The following KCNN2 variants were observed in gnomAD, a reference collection of about 807,000 sequenced individuals.
The protein encoded by KCNN2 is small conductance calcium-activated potassium channel protein 2.
Under a neutral mutation model 55.5 loss-of-function variants are expected in KCNN2, and 24 were observed. The observed-to-expected ratio is 0.43, with a 90% CI of 0.31 to 0.61. KCNN2 has a LOEUF of 0.61. KCNN2 is among the 20% of genes least tolerant of loss of function. The pLI, the probability that KCNN2 is intolerant of heterozygous loss-of-function variation, is 0.08. For synonymous variants in KCNN2, 431 were observed against 336.1 expected (o/e 1.28, Z -3.09); for missense variants, 754 against 853.6 (o/e 0.88, Z 1.45).
chr5:114,238,798 A>G (rs546931627), intron 2 of KCNN2, among the ~76,000 whole-genome samples: 19 of 152,254 alleles, frequency 1.2e-4, no homozygotes, highest in African/African-American at 3.6e-4. Context: ...TTTAACATAG[A>G]TCAAAATGCA....
chr5:114,153,560 C>T (rs755995993), intron 1 of KCNN2, among the ~76,000 whole-genome samples: 1 of 152,188 alleles, frequency 6.6e-6, no homozygotes, highest in African/African-American at 2.4e-5. Flanking sequence ...GTCTGTTTCC[C>T]AAACCCTAAT....
Position 114,362,755 on chromosome 5 carries a change from A to G in KCNN2, c.616A>G (p.Asn206Asp), listed in dbSNP as rs1757471278. 1 of 1,558,824 alleles carries G rather than the reference A, an allele frequency of 6.4e-7. No homozygotes were observed. Among genetic ancestry groups the G allele is most frequent in the African/African-American group, 1.4e-5 (1 of 73,806 alleles). ...CCAGCCCCAGGCGCGCCGCGAGAGC[A>G]ACCCCTTCACCGAAATAGCCATGAG... ...HHQPQARRES[N>D]PFTEIAMSSC... Residue 206 changes from asparagine to aspartate, a missense_variant, in exon 1 of 8, where the codon AAC (asparagine) becomes GAC (aspartate). By Grantham distance (23) the Asn-to-Asp change is conservative. Around this residue, in one of 4 missense-constraint regions of KCNN2, gnomAD observed 381 missense variants for 259.1 expected, o/e 1.47. Transcript: ENST00000673685.
In KCNN2 at chr5:114,151,389, G is replaced by C. The variant is rs544058346; in HGVS notation, c.-270-70091G>C. Among the ~76,000 whole-genome samples, 29 of 152,176 alleles carry C rather than the reference G, an allele frequency of 1.9e-4. No homozygotes were observed. In the South Asian group the frequency reaches 5.2e-3, roughly 27 times the overall value. On this transcript the variant is annotated intron_variant, in intron 1 of 10. Transcript: ENST00000512097. ...CAGTGTGTTCTCATTCCACCGTCCT[G>C]CCACTCCAGCTCCCTTCCTTCCACT...
chr5:114,443,107 A>G (rs1232306845), intron 3 of KCNN2, among the ~76,000 whole-genome samples: 1 of 152,142 alleles, frequency 6.6e-6, no homozygotes, highest in Non-Finnish European at 1.5e-5. Flanking sequence ...CCTGACCAAC[A>G]TGGTGAAACC....
intron 2 of KCNN2, among the ~76,000 whole-genome samples, chr5:114,399,350 G>T (rs937596982): frequency 2.6e-5 from 4 of 152,130 alleles, no homozygotes; most frequent in Admixed American, 6.5e-5. Flanking sequence ...CATCTATTGA[G>T]ATGATCATGT....
At chr5:114,241,762 A>ATATGTG (rs1561537074) in intron 2 of KCNN2, among the ~76,000 whole-genome samples, 2 of 19,790 alleles carry the variant, frequency 1.0e-4, no homozygotes, top group African/African-American at 5.1e-4. Flanking sequence ...GTATATATAT[A>ATATGTG]CGTATATATA....
chr5:114,119,151 G>C (rs1457503386), intron 1 of KCNN2, among the ~76,000 whole-genome samples: 1 of 152,194 alleles, frequency 6.6e-6, no homozygotes, highest in East Asian at 1.9e-4. Flanking sequence ...TTTGGTTAGA[G>C]GTGTTTCCAG....
chr5:114,333,209 G>C (rs1321513719), intron 2 of KCNN2, among the ~76,000 whole-genome samples: 1 of 152,154 alleles, frequency 6.6e-6, no homozygotes, highest in Admixed American at 6.5e-5. Flanking sequence ...GATAAAACAC[G>C]GGAGCCGGGA....
chr5:114,145,293 T>G (rs182353893), intron 1 of KCNN2, among the ~76,000 whole-genome samples: 33 of 152,332 alleles, frequency 2.2e-4, no homozygotes, highest in East Asian at 2.1e-3. Context: ...AACAATGGTA[T>G]AGTGAGAAGA....
At chr5:114,164,702 T>G (rs1048226884) in intron 1 of KCNN2, among the ~76,000 whole-genome samples, 2 of 152,166 alleles carry the variant, frequency 1.3e-5, no homozygotes, top group African/African-American at 4.8e-5. Flanking sequence ...AATGCGCATT[T>G]TGGATGTACA....
chr5:114,362,862 A>T lies in KCNN2; in HGVS notation c.723A>T (p.Ser241=). 6.3e-7 allele frequency: 1 copy of T among 1,599,930 alleles called. No individual in the cohort carries two copies. ...GCCGGAACCTGCACGAGATGGACTC[A>T]GAGGCGCAGCCCCTGCAGCCCCCCG... ...ASRRNLHEMD[S]EAQPLQPPAS... Residue 241 remains serine (S), a synonymous_variant, in exon 1 of 8, where the codon TCA becomes TCT. Coordinates refer to ENST00000673685, the MANE Select transcript of KCNN2 (RefSeq NM_021614.4).
At chr5:114,487,002 G>C in intron 5 of KCNN2, 48 bp from the exon 6 acceptor site, 3 of 1,607,770 alleles carry the variant, frequency 1.9e-6, no homozygotes, top group Non-Finnish European at 2.6e-6. Context: ...AAGTTACAAA[G>C]GATTCTGCTC....
At chr5:114,351,746 T>G (rs565589135) in intron 2 of KCNN2, among the ~76,000 whole-genome samples, 1 of 151,796 alleles carries the variant, frequency 6.6e-6, no homozygotes, top group Admixed American at 6.6e-5. Context: ...ATTGTATTGA[T>G]AGTTTGTATT....
chr5:114,488,256 T>G (rs1477793569), intron 6 of KCNN2, among the ~76,000 whole-genome samples: 2 of 152,166 alleles, frequency 1.3e-5, no homozygotes, highest in African/African-American at 4.8e-5. Context: ...TCCTGAGATT[T>G]ATAGTAGAGG....
At chr5:114,282,885 T>A (rs182252846) in intron 2 of KCNN2, among the ~76,000 whole-genome samples, 7 of 152,326 alleles carry the variant, frequency 4.6e-5, no homozygotes, top group Admixed American at 3.9e-4. Context: ...CTTTCTTAAA[T>A]AAATGTTTAT....
chr5:114,170,436 T>C (rs56373356), intron 1 of KCNN2, among the ~76,000 whole-genome samples: 3,806 of 152,156 alleles, frequency 0.025, 150 homozygotes, highest in African/African-American at 0.086. Context: ...ACTTTGGTTA[T>C]GCTTTGTGGT....
At chr5:114,363,558 C>A (rs75479461) in intron 1 of KCNN2, among the ~76,000 whole-genome samples, 2 of 152,298 alleles carry the variant, frequency 1.3e-5, no homozygotes, top group South Asian at 2.1e-4. Flanking sequence ...TTCATCCCCT[C>A]GTGAATTATG....
At position 114,276,315 on chromosome 5, in the gene KCNN2, G is replaced by T. The variant is rs1427292080; in HGVS notation, c.-185+54750G>T. On this transcript the variant is annotated intron_variant, in intron 2 of 10. Transcript: ENST00000512097. The stretch of plus-strand genomic sequence containing the variant: ...AAGAATGTATATTCTGTTGATTTGG[G>T]GTGGAGAGTTCTGTATATGTCTATT... 1.3e-5 allele frequency among the ~76,000 whole-genome samples: 2 copies of T among 152,134 alleles called. 1 individual carries two copies. The highest frequency in any genetic ancestry group is 2.9e-5 in the Non-Finnish European group (2 of 68,022).
intron 2 of KCNN2, among the ~76,000 whole-genome samples, chr5:114,273,639 A>C (rs1167413517): frequency 6.6e-6 from 1 of 152,214 alleles, no homozygotes; most frequent in Non-Finnish European, 1.5e-5. Context: ...TGTTGGCTGC[A>C]CAGATGTTTT....
Sources: allele counts gnomAD v4.1 joint callset (sites outside exome capture counted in the v4.1 genomes callset), GRCh38; gene constraint gnomAD v4.1.1; regional missense constraint gnomAD v4.1.1; transcripts MANE v1.5; gene names NCBI Gene and HGNC (gene_info 2026-07-23, HGNC 2026-07-21).